The following UBAP1 variants were observed in gnomAD, a reference collection of about 807,000 sequenced individuals.
UBAP1 encodes ubiquitin-associated protein 1.
UBAP1 carries 5 observed loss-of-function variants against 39.0 expected under a neutral mutation model. The ratio of observed to expected loss-of-function variants is 0.13; its 90% CI spans 0.07 to 0.27. The LOEUF (loss-of-function observed/expected upper bound fraction) is 0.27. UBAP1 is among the 10% of genes least tolerant of loss of function. The probability of loss-of-function intolerance (pLI) is 1.00; values close to 1 mark genes in which losing one functional copy is unlikely to be tolerated. For missense variants in UBAP1, 490 were observed against 608.1 expected (o/e 0.81, Z 2.04); for synonymous variants, 211 against 225.1 (o/e 0.94, Z 0.56).
chr9:34,179,882 G>A (rs1161651157), intron 1 of UBAP1, among the ~76,000 whole-genome samples: 1 of 152,092 alleles, frequency 6.6e-6, no homozygotes, highest in Non-Finnish European at 1.5e-5. Flanking sequence ...AGTGATCTTT[G>A]ACCTTTGTTG....
chr9:34,200,532 A>T (rs1315801168), intron 1 of UBAP1, among the ~76,000 whole-genome samples: 1 of 152,218 alleles, frequency 6.6e-6, no homozygotes, highest in Non-Finnish European at 1.5e-5. Flanking sequence ...ACCTGATCTA[A>T]ACTTTTAATT....
chr9:34,222,884 C>T (rs1336552189), intron 2 of UBAP1, among the ~76,000 whole-genome samples: 1 of 152,110 alleles, frequency 6.6e-6, no homozygotes, highest in Non-Finnish European at 1.5e-5. Context: ...CTAGATCCTA[C>T]CTTTTCAAGG....
chr9:34,217,655 G>A (rs1400452749), intron 1 of UBAP1, among the ~76,000 whole-genome samples: 2 of 150,686 alleles, frequency 1.3e-5, no homozygotes, highest in Non-Finnish European at 3.0e-5. Context: ...CTGCCTTTAT[G>A]AGATAAACTT....
chr9:34,199,181 C>T (rs1213460442), intron 1 of UBAP1, among the ~76,000 whole-genome samples: 1 of 152,172 alleles, frequency 6.6e-6, no homozygotes, highest in Non-Finnish European at 1.5e-5. Flanking sequence ...TCAAGCAGTT[C>T]TCCTGCCTCA....
intron 1 of UBAP1, chr9:34,191,776 A>C (rs1209636481): frequency 2.6e-5 from 4 of 154,092 alleles, no homozygotes; most frequent in African/African-American, 9.6e-5. Context: ...CTGTGGAAAG[A>C]TAATTTGCGC....
chr9:34,226,418 G>GT (rs1833110336), intron 2 of UBAP1, among the ~76,000 whole-genome samples: 1 of 151,972 alleles, frequency 6.6e-6, no homozygotes, highest in African/African-American at 2.4e-5. Context: ...TGTATTTTTA[G>GT]TAGAGACAGG....
In UBAP1 at chr9:34,202,624, C is replaced by CCT. The variant is rs1491103579; in HGVS notation, c.-7-18284_-7-18283insCT. Among the ~76,000 whole-genome samples, 686 of 107,304 alleles carry CCT rather than the reference C, an allele frequency of 6.4e-3. 89 individuals are homozygous for CCT. The highest frequency in any genetic ancestry group is 0.032 in the Middle Eastern group (7 of 222). 70.4% of individuals were successfully genotyped at this position (107,304 alleles called of 152,430 possible). On this transcript the variant is annotated intron_variant, in intron 1 of 6. Coordinates refer to ENST00000297661, the MANE Select transcript of UBAP1 (RefSeq NM_016525.5). ...ATGGGCCAGAAGCTGTAGACAGAAA[C>CCT]GTGTGTGTGTGTGTGTGTGTGTGTG...
At chr9:34,220,788 A>G in intron 1 of UBAP1, 120 bp from the exon 2 acceptor site, 2 of 751,834 alleles carry the variant, frequency 2.7e-6, no homozygotes, top group East Asian at 5.5e-5. Flanking sequence ...TGGGAGTGAG[A>G]CGTGAGGATT....
chr9:34,223,607 C>T (rs1284712859), intron 2 of UBAP1, among the ~76,000 whole-genome samples: 2 of 152,104 alleles, frequency 1.3e-5, no homozygotes, highest in Non-Finnish European at 2.9e-5. Flanking sequence ...GTGCCTGCCA[C>T]CATGCCCAGC....
intron 1 of UBAP1, among the ~76,000 whole-genome samples, chr9:34,214,367 A>G (rs1832182960): frequency 6.6e-6 from 1 of 152,178 alleles, no homozygotes; most frequent in Non-Finnish European, 1.5e-5. Context: ...AATAAACCCA[A>G]ATACTTACAG....
At chr9:34,226,795 T>C (rs891810781) in intron 2 of UBAP1, among the ~76,000 whole-genome samples, 2 of 152,212 alleles carry the variant, frequency 1.3e-5, no homozygotes, top group African/African-American at 2.4e-5. Flanking sequence ...CCCAAGTCTT[T>C]CTTATGCTGA....
At chr9:34,183,135 A>G (rs193095276) in intron 1 of UBAP1, among the ~76,000 whole-genome samples, 27 of 152,282 alleles carry the variant, frequency 1.8e-4, no homozygotes, top group African/African-American at 6.3e-4. Flanking sequence ...AGATCATTTT[A>G]AGAGTAATCT....
chr9:34,246,286 A>G (rs1556438), intron 4 of UBAP1, among the ~76,000 whole-genome samples: 150,652 of 152,242 alleles, frequency 0.99, 74,563 homozygotes, highest in Middle Eastern at 1. Context: ...GGCTGGTCTC[A>G]AAATTCTGAG....
At chr9:34,202,947 A>T (rs904952541) in intron 1 of UBAP1, among the ~76,000 whole-genome samples, 2 of 151,812 alleles carry the variant, frequency 1.3e-5, no homozygotes, top group Non-Finnish European at 2.9e-5. Context: ...ATGTGTTTGG[A>T]TTGGGACTCA....
chr9:34,247,403 T>A (rs1465076804), intron 4 of UBAP1, among the ~76,000 whole-genome samples: 3 of 152,210 alleles, frequency 2.0e-5, no homozygotes, highest in Non-Finnish European at 2.9e-5. Flanking sequence ...CATGTACAAT[T>A]AATAAATATA....
chr9:34,197,073 G>A (rs1286600016), intron 1 of UBAP1, among the ~76,000 whole-genome samples: 3 of 151,560 alleles, frequency 2.0e-5, no homozygotes, highest in East Asian at 1.9e-4. Flanking sequence ...GACTACAGGC[G>A]TGTGCCACCA....
At chr9:34,200,986 C>T (rs375972453) in intron 1 of UBAP1, among the ~76,000 whole-genome samples, 2 of 152,136 alleles carry the variant, frequency 1.3e-5, no homozygotes, top group South Asian at 2.1e-4. Context: ...CTTGGCTCAC[C>T]GCAATCTCCG....
At chr9:34,215,448 T>G (rs1445226717) in intron 1 of UBAP1, among the ~76,000 whole-genome samples, 1 of 149,756 alleles carries the variant, frequency 6.7e-6, no homozygotes, top group African/African-American at 2.5e-5. Context: ...AAACCAAACA[T>G]CTAATGTTCT....
intron 1 of UBAP1, among the ~76,000 whole-genome samples, chr9:34,215,622 A>T (rs10121350): frequency 0.027 from 4,093 of 152,102 alleles, 187 homozygotes; most frequent in African/African-American, 0.094. Context: ...AATCTCACAA[A>T]TCACCACTAA....
Sources: gnomAD v4.1 joint callset for allele counts (sites outside exome capture counted in the v4.1 genomes callset) on GRCh38, gnomAD v4.1.1 for gene constraint, MANE v1.5 for transcripts, NCBI Gene and HGNC (gene_info 2026-07-23, HGNC 2026-07-21) for gene names.